The following MMD2 variants were observed in gnomAD, a reference collection of about 807,000 sequenced individuals.
MMD2 encodes the protein monocyte to macrophage differentiation factor 2.
In MMD2, 30 loss-of-function variants were observed where a neutral mutation model predicts 33.5. The ratio of observed to expected loss-of-function variants is 0.90; its 90% CI spans 0.67 to 1.22. MMD2 has a LOEUF of 1.22. MMD2 is among the 50% of genes most tolerant of loss of function. The probability of loss-of-function intolerance (pLI) is 0.00; values close to 1 mark genes in which losing one functional copy is unlikely to be tolerated. For synonymous variants in MMD2, 129 were observed against 123.0 expected (o/e 1.05, Z -0.32); for missense variants, 364 against 325.4 (o/e 1.12, Z -0.91).
the MMD2 span, among the ~76,000 whole-genome samples, chr7:4,892,474 G>A: frequency 1.3e-5 from 2 of 151,604 alleles, no homozygotes; most frequent in African/African-American, 4.8e-5. Flanking sequence ...TGTAGTCCCA[G>A]CTACTCGGGA....
chr7:4,903,245 A>G (rs1455701218), downstream of MMD2, among the ~76,000 whole-genome samples: 1 of 152,190 alleles, frequency 6.6e-6, no homozygotes, highest in East Asian at 1.9e-4. Flanking sequence ...GTCAAAACAA[A>G]ACCAAAAACA....
chr7:4,928,392 C>T (rs756807688), intron 1 of MMD2, among the ~76,000 whole-genome samples: 17 of 151,756 alleles, frequency 1.1e-4, no homozygotes, highest in South Asian at 8.4e-4. Context: ...GGAACATTCG[C>T]TGAGCACCTT....
chr7:4,906,952 T>G lies in MMD2; in HGVS notation c.*444A>C. On this transcript the variant is annotated 3_prime_UTR_variant, in exon 7 of 7. Coordinates refer to ENST00000401401, the MANE Select transcript of MMD2 (RefSeq NM_198403.4). ...TCATCTTCAAGCTGGGCTGTCCCCT[T>G]TCCCTGAACCAGAGACAATTCGCCA... is the stretch of plus-strand genomic sequence containing the variant. 1 of 234,300 alleles carries G rather than the reference T, an allele frequency of 4.3e-6. No homozygotes were observed. 14.5% of individuals were successfully genotyped at this position (234,300 alleles called of 1,614,324 possible).
the MMD2 span, among the ~76,000 whole-genome samples, chr7:4,892,720 C>T: frequency 1.3e-5 from 2 of 151,666 alleles, no homozygotes; most frequent in South Asian, 2.1e-4. Context: ...ATTGCAATTT[C>T]TCTTTTGTTT....
chr7:4,943,344 C>T (rs888806839), intron 1 of MMD2, among the ~76,000 whole-genome samples: 2 of 152,004 alleles, frequency 1.3e-5, no homozygotes, highest in Non-Finnish European at 1.5e-5. Flanking sequence ...GGGCTTTCAC[C>T]ATGTTGACGA....
chr7:4,909,901 C>T lies in MMD2; in HGVS notation c.517G>A (p.Ala173Thr), dbSNP rs369477170. 19 of 1,613,432 alleles carry T rather than the reference C, an allele frequency of 1.2e-5. No individual in the cohort carries two copies. The highest frequency in any genetic ancestry group is 5.0e-5 in the Admixed American group (3 of 59,898). Residue 173 changes from alanine (A) to threonine (T), a missense_variant, in exon 6 of 7, where the codon GCC (alanine) becomes ACC (threonine). Transcript: ENST00000401401. ...LCYVVMGFFPALVILSMPNTE... is the reference protein window; with the variant it reads ...LCYVVMGFFPTLVILSMPNTE... The stretch of plus-strand genomic sequence containing the variant: ...CTTACCATGGAGAGGATGACCAGGG[C>T]GGGGAAGAAGCCCATTACGACGTAG...
chr7:4,907,492 C>A lies in MMD2; in HGVS notation c.645G>T (p.Trp215Cys), dbSNP rs1244180634. 6.2e-7 allele frequency: 1 copy of A among 1,613,812 alleles called. No individual in the cohort carries two copies. The highest frequency in any genetic ancestry group is 1.3e-5 in the African/African-American group (1 of 74,932). Residue 215 changes from tryptophan (W) to cysteine (C), a missense_variant, in exon 7 of 7, where the codon TGG becomes TGT. Physicochemically the swap from Trp to Cys is radical, Grantham distance 215 (BLOSUM62 -2). Coordinates refer to ENST00000401401, the MANE Select transcript of MMD2 (RefSeq NM_198403.4). Reference sequence around the variant, plus strand: ...CAGCACCAAATGCTACAAAGAGATGCCAGATGGCGTGGGCAAAGGGGATCC... The same window carrying A: ...CAGCACCAAATGCTACAAAGAGATGACAGATGGCGTGGGCAAAGGGGATCC... ...DGRIPFAHAI[W>C]HLFVAFGAGT... is the part of the protein sequence containing the mutation.
At chr7:4,937,917 G>A (rs1387924868) in intron 1 of MMD2, among the ~76,000 whole-genome samples, 1 of 150,516 alleles carries the variant, frequency 6.6e-6, no homozygotes, top group Non-Finnish European at 1.5e-5. Context: ...CCAAAGCACT[G>A]AGATTACAGG....
the MMD2 span, among the ~76,000 whole-genome samples, chr7:4,898,279 G>C: frequency 2.0e-5 from 3 of 152,076 alleles, no homozygotes; most frequent in Non-Finnish European, 4.4e-5. Context: ...ACATGGCCTG[G>C]GGGCACTCTG....
the MMD2 span, among the ~76,000 whole-genome samples, chr7:4,893,646 C>CA: frequency 6.6e-6 from 1 of 151,738 alleles, no homozygotes; most frequent in African/African-American, 2.4e-5. Context: ...CCTGCCTCGG[C>CA]CTCCCAAAGC....
At chr7:4,944,830 C>A (rs1346519678) in intron 1 of MMD2, among the ~76,000 whole-genome samples, 1 of 131,510 alleles carries the variant, frequency 7.6e-6, no homozygotes, top group Non-Finnish European at 1.5e-5. Context: ...TGAAGTGGCA[C>A]GATCTCGGCT....
At position 4,906,512 on chromosome 7, in the gene MMD2, T is replaced by A. The variant is rs1458087152; in HGVS notation, c.*884A>T. On this transcript the variant is annotated 3_prime_UTR_variant, in exon 7 of 7. Coordinates refer to ENST00000401401, the MANE Select transcript of MMD2 (RefSeq NM_198403.4). ...CTGTTTGCCCCATCTTATGAATGAA[T>A]AGCTCTCGTAATGTCTCTGGATTTT... 1 of 398,610 alleles carries A rather than the reference T, an allele frequency of 2.5e-6. No individual in the cohort carries two copies. The highest frequency in any genetic ancestry group is 4.4e-6 in the Non-Finnish European group (1 of 226,084). The allele number at this position is 398,610 out of a possible 1,614,324, so 24.7% of individuals were successfully genotyped here. A position where few individuals can be genotyped will look rare whatever the true frequency, so the allele number is the denominator to read the frequency against.
At chr7:4,894,173 A>T in the MMD2 span, among the ~76,000 whole-genome samples, 1 of 152,166 alleles carries the variant, frequency 6.6e-6, no homozygotes, top group Non-Finnish European at 1.5e-5. This position sits in a 1 kb window ranked among gnomAD's most constrained non-coding sequence, Gnocchi z 4.3. Context: ...ACGACCTCCA[A>T]GGCCAGATCA....
chr7:4,915,794 T>C (rs1785126254), intron 4 of MMD2, among the ~76,000 whole-genome samples: 1 of 151,212 alleles, frequency 6.6e-6, no homozygotes, highest in African/African-American at 2.4e-5. Flanking sequence ...CTGCATAAAA[T>C]AACTCAAGAA....
At chr7:4,918,674 G>C (rs1024944186) in intron 3 of MMD2, among the ~76,000 whole-genome samples, 6 of 151,786 alleles carry the variant, frequency 4.0e-5, no homozygotes, top group African/African-American at 1.2e-4. Context: ...TTTTAGGAGA[G>C]ACAGGGTTTC....
At chr7:4,932,485 G>A (rs547469637) in intron 1 of MMD2, among the ~76,000 whole-genome samples, 3 of 152,152 alleles carry the variant, frequency 2.0e-5, no homozygotes, top group East Asian at 3.9e-4. Flanking sequence ...GGAGAGTCCT[G>A]TAACTGCCAC....
intron 1 of MMD2, 127 bp downstream of exon 1, chr7:4,958,844 G>T (rs1039601658): frequency 1.2e-6 from 1 of 816,020 alleles, no homozygotes; most frequent in South Asian, 5.7e-5. Flanking sequence ...TCGGGCGGGG[G>T]TCAGGGGTCC....
intron 4 of MMD2, among the ~76,000 whole-genome samples, chr7:4,913,721 CAAAAAA>C: frequency 1.9e-5 from 1 of 54,052 alleles, no homozygotes; most frequent in Non-Finnish European, 3.2e-5. Flanking sequence ...TCTATCTCGG[CAAAAAA>C]AAAAAAAAAA....
chr7:4,927,433 T>C (rs942762276), intron 1 of MMD2, among the ~76,000 whole-genome samples: 2 of 152,178 alleles, frequency 1.3e-5, no homozygotes, highest in East Asian at 1.9e-4. Context: ...TAATCCCAGA[T>C]ACTTGGGAGG....
Sources: gnomAD v4.1 joint callset for allele counts (sites outside exome capture counted in the v4.1 genomes callset) on GRCh38, gnomAD v4.1.1 for gene constraint, Gnocchi (gnomAD v3.1) non-coding constraint, MANE v1.5 for transcripts, NCBI Gene and HGNC (gene_info 2026-07-23, HGNC 2026-07-21) for gene names.